The following ACAP2 variants were observed in gnomAD, a reference collection of about 807,000 sequenced individuals.
The protein encoded by ACAP2 is arf-GAP with coiled-coil, ANK repeat and PH domain-containing protein 2.
ACAP2 carries 39 observed loss-of-function variants against 115.8 expected under a neutral mutation model. The observed-to-expected ratio is 0.34, with a 90% CI of 0.26 to 0.44. The LOEUF is 0.44. Ranked by LOEUF, ACAP2 falls within the 20% of genes least tolerant of loss-of-function variation. ACAP2 has a pLI of 1.00. For missense variants in ACAP2, 662 were observed against 927.6 expected, an observed-to-expected ratio of 0.71 and a Z score of 3.72; for synonymous variants, 289 against 315.8, an observed-to-expected ratio of 0.92 and a Z score of 0.90.
At chr3:195,387,985 C>T (rs1329601784) in intron 2 of ACAP2, among the ~76,000 whole-genome samples, 1 of 152,176 alleles carries the variant, frequency 6.6e-6, no homozygotes, top group East Asian at 1.9e-4. Flanking sequence ...TTGTCCAAGG[C>T]CATATTGCTA....
At position 195,350,067 on chromosome 3, in the gene ACAP2, A is replaced by G. The variant is rs548646221; in HGVS notation, c.286-4750T>C. 3.6e-4 allele frequency: 58 copies of G among 162,032 alleles called. No homozygotes were observed. The Middle Eastern group carries it at 0.014, about 40-fold the overall frequency. 10.0% of individuals were successfully genotyped at this position (162,032 alleles called of 1,614,324 possible). On this transcript the variant is annotated intron_variant, in intron 4 of 22. Transcript: ENST00000326793. The stretch of plus-strand genomic sequence containing the variant: ...CAAATAAAGTGAGCAAATCATACAC[A>G]CACAAATAGACAGAATCATGGCCCT...
intron 4 of ACAP2, among the ~76,000 whole-genome samples, chr3:195,370,537 G>A (rs1399923305): frequency 2.0e-5 from 3 of 152,098 alleles, no homozygotes; most frequent in Admixed American, 2.0e-4. Context: ...CAGCTTTGTT[G>A]AAGATCAGAT....
rs917737556 is a variant in ACAP2 at position 195,367,760 on chromosome 3, TAG to T, written c.285+13247_285+13248del. ...GCCTGCTGGGGAGAGAGGCCAAATG[TAG>T]AGAGAGAAGTCCTAGAAGATGAGAG... On this transcript the variant is annotated intron_variant, in intron 4 of 22. Transcript: ENST00000326793. Among the ~76,000 whole-genome samples, 5 of 152,224 alleles carry T rather than the reference TAG, an allele frequency of 3.3e-5. No homozygotes were observed. The East Asian group carries it at 5.8e-4, about 18-fold the overall frequency.
chr3:195,350,936 G>A (rs1467868655), intron 4 of ACAP2, among the ~76,000 whole-genome samples: 2 of 151,888 alleles, frequency 1.3e-5, no homozygotes, highest in East Asian at 3.9e-4. Flanking sequence ...ATAGGGTTAA[G>A]CAAACATTTC....
chr3:195,365,141 TA>T (rs1438734736), intron 4 of ACAP2, among the ~76,000 whole-genome samples: 1 of 151,998 alleles, frequency 6.6e-6, no homozygotes, highest in Non-Finnish European at 1.5e-5. Flanking sequence ...AGGTGGAGGG[TA>T]GGGGGACGTG....
At chr3:195,424,439 C>T (rs1009299407) in intron 1 of ACAP2, among the ~76,000 whole-genome samples, 8 of 150,496 alleles carry the variant, frequency 5.3e-5, no homozygotes, top group Admixed American at 2.0e-4. Flanking sequence ...GGATTACAGG[C>T]GCCTGCCCAC....
chr3:195,280,628 A>AT (rs1232662011), intron 22 of ACAP2: 2 of 152,236 alleles, frequency 1.3e-5, no homozygotes, highest in East Asian at 3.8e-4. Context: ...ATAAACGTGT[A>AT]TATGTACAAA....
chr3:195,377,948 A>C (rs945793608), intron 4 of ACAP2, among the ~76,000 whole-genome samples: 2 of 152,182 alleles, frequency 1.3e-5, no homozygotes, highest in African/African-American at 4.8e-5. Flanking sequence ...CAGACGGACA[A>C]AAAGTGGTTT....
At chr3:195,319,836 A>C (rs577395313) in intron 10 of ACAP2, among the ~76,000 whole-genome samples, 1 of 152,236 alleles carries the variant, frequency 6.6e-6, no homozygotes, top group African/African-American at 2.4e-5. Context: ...GGAAGTCCTG[A>C]TTGATTTTGA....
intron 4 of ACAP2, among the ~76,000 whole-genome samples, chr3:195,368,965 T>C (rs765153714): frequency 6.6e-6 from 1 of 152,038 alleles, no homozygotes; most frequent in Non-Finnish European, 1.5e-5. Flanking sequence ...GTGCCTGTAG[T>C]CCCAGCTACT....
chr3:195,358,605 C>T (rs959358025), intron 4 of ACAP2, among the ~76,000 whole-genome samples: 1 of 151,946 alleles, frequency 6.6e-6, no homozygotes, highest in Admixed American at 6.6e-5. Flanking sequence ...GTATCAGAGT[C>T]TCTTAACAGC....
At position 195,342,464 on chromosome 3, in the gene ACAP2, T is replaced by C. The variant is rs2108649621; in HGVS notation, c.528+7A>G. On this transcript the variant is annotated splice_region_variant and intron_variant, in intron 6 of 22. Coordinates refer to ENST00000326793, the MANE Select transcript of ACAP2 (RefSeq NM_012287.6). ...TCTGAAAACATACACAGTAAGAAAC[T>C]ATATACCTGAAGCACATAATCGAGG... is the stretch of plus-strand genomic sequence containing the variant. 1 of 1,592,260 alleles carries C rather than the reference T, an allele frequency of 6.3e-7. No individual in the cohort carries two copies. Among genetic ancestry groups the C allele is most frequent in the Non-Finnish European group, 8.5e-7 (1 of 1,174,086 alleles).
chr3:195,352,309 C>T (rs1731666135), intron 4 of ACAP2, among the ~76,000 whole-genome samples: 1 of 152,170 alleles, frequency 6.6e-6, no homozygotes, highest in Admixed American at 6.5e-5. Flanking sequence ...TTCTATGATA[C>T]TCACACAATG....
At chr3:195,380,528 T>G (rs1274654649) in intron 4 of ACAP2, among the ~76,000 whole-genome samples, 1 of 152,216 alleles carries the variant, frequency 6.6e-6, no homozygotes, top group African/African-American at 2.4e-5. Context: ...TCCCTCATTC[T>G]TGAAGGATAA....
chr3:195,278,343 G>T lies in ACAP2; in HGVS notation c.*985C>A, dbSNP rs998106108. On this transcript the variant is annotated 3_prime_UTR_variant, in exon 23 of 23. Transcript: ENST00000326793. The stretch of plus-strand genomic sequence containing the variant: ...TGCTATATATTTTAGTATTAACTAA[G>T]AATAAGTGGGGTTCTTTTTCTCCTT... 6.6e-6 allele frequency: 1 copy of T among 152,084 alleles called. No individual in the cohort carries two copies. Among genetic ancestry groups the T allele is most frequent in the African/African-American group, 2.4e-5 (1 of 41,420 alleles). The allele number at this position is 152,084 out of a possible 1,614,324, so 9.4% of individuals were successfully genotyped here. A position where few individuals can be genotyped will look rare whatever the true frequency, so the allele number is the denominator to read the frequency against.
At chr3:195,325,716 T>C (rs1182567822) in intron 9 of ACAP2, among the ~76,000 whole-genome samples, 2 of 152,124 alleles carry the variant, frequency 1.3e-5, no homozygotes, top group Non-Finnish European at 2.9e-5. Context: ...TACCATGATA[T>C]CTCATTTTAA....
intron 1 of ACAP2, among the ~76,000 whole-genome samples, chr3:195,434,934 CT>C (rs1715418052): frequency 6.6e-6 from 1 of 150,412 alleles, no homozygotes; most frequent in African/African-American, 2.5e-5. Context: ...CCCTCTTTCA[CT>C]CTTGAATGAA....
intron 1 of ACAP2, among the ~76,000 whole-genome samples, chr3:195,424,962 G>A (rs1267159918): frequency 8.5e-6 from 1 of 117,920 alleles, no homozygotes; most frequent in Non-Finnish European, 1.7e-5. Context: ...AGAGTTGATT[G>A]CTTGCAGTGA....
intron 4 of ACAP2, among the ~76,000 whole-genome samples, chr3:195,368,463 T>G (rs1284519345): frequency 4.6e-5 from 7 of 152,194 alleles, no homozygotes; most frequent in African/African-American, 1.7e-4. Flanking sequence ...AATTTCTGAA[T>G]GTAGTAATTA....
Sources: gnomAD v4.1 joint callset for allele counts (sites outside exome capture counted in the v4.1 genomes callset) on GRCh38, gnomAD v4.1.1 for gene constraint, MANE v1.5 for transcripts, NCBI Gene and HGNC (gene_info 2026-07-23, HGNC 2026-07-21) for gene names.